The following MYO5A variants were observed in gnomAD, a reference collection of about 807,000 sequenced individuals.
MYO5A encodes the protein myosin VA.
Under a neutral mutation model 249.7 loss-of-function variants are expected in MYO5A, and 98 were observed. That is an observed-to-expected ratio of 0.39 (90% CI 0.33 to 0.46). MYO5A has a LOEUF of 0.46. Ranked by LOEUF, MYO5A falls within the 20% of genes least tolerant of loss-of-function variation. The pLI is 0.98. For missense variants in MYO5A, 1,696 were observed against 2,308.8 expected (o/e 0.73, Z 5.44); for synonymous variants, 778 against 810.6 (o/e 0.96, Z 0.68).
At chr15:52,489,420 C>CG (rs1567173839) in intron 1 of MYO5A, among the ~76,000 whole-genome samples, 1 of 151,928 alleles carries the variant, frequency 6.6e-6, no homozygotes, top group African/African-American at 2.4e-5. Context: ...AAAAATTAGC[C>CG]GGGCGTGGTG....
At chr15:52,517,017 A>C (rs1273627179) in intron 1 of MYO5A, among the ~76,000 whole-genome samples, 2 of 152,252 alleles carry the variant, frequency 1.3e-5, no homozygotes, top group Non-Finnish European at 2.9e-5. Flanking sequence ...AAGCAGTTTC[A>C]ATTTTTAAAA....
chr15:52,427,204 T>C (rs1016867786), intron 3 of MYO5A, among the ~76,000 whole-genome samples: 4 of 152,196 alleles, frequency 2.6e-5, no homozygotes, highest in Non-Finnish European at 5.9e-5. Flanking sequence ...CTTAATGAAG[T>C]CGTCCATTCA....
At chr15:52,389,468 T>A (rs1247205452) in intron 12 of MYO5A, 105 bp from the exon 13 acceptor site, 3 of 1,114,432 alleles carry the variant, frequency 2.7e-6, no homozygotes, top group Non-Finnish European at 3.8e-6. Flanking sequence ...TGGCTTTAAC[T>A]AATAACTTTT....
chr15:52,400,698 G>A (rs1245753707), intron 9 of MYO5A, among the ~76,000 whole-genome samples: 1 of 152,106 alleles, frequency 6.6e-6, no homozygotes, highest in African/African-American at 2.4e-5. Flanking sequence ...CAGAGAAGTG[G>A]TGTTGCACTC....
chr15:52,431,684 TAAAAA>T (rs56264450), intron 2 of MYO5A, among the ~76,000 whole-genome samples: 1 of 140,598 alleles, frequency 7.1e-6, no homozygotes, highest in Non-Finnish European at 1.5e-5. Flanking sequence ...GTGCTATATC[TAAAAA>T]AAAAAAAAAA....
At chr15:52,472,492 C>T (rs919868522) in intron 1 of MYO5A, among the ~76,000 whole-genome samples, 2 of 151,890 alleles carry the variant, frequency 1.3e-5, no homozygotes, top group African/African-American at 4.8e-5. Flanking sequence ...TGTGCTGCAC[C>T]CATTAACTTG....
intron 1 of MYO5A, among the ~76,000 whole-genome samples, chr15:52,487,029 C>T (rs772957350): frequency 2.6e-5 from 4 of 152,144 alleles, no homozygotes; most frequent in Non-Finnish European, 4.4e-5. Context: ...ACAAGTTTTA[C>T]GTTGATACTA....
intron 1 of MYO5A, among the ~76,000 whole-genome samples, chr15:52,456,130 T>A (rs888976041): frequency 1.3e-5 from 2 of 151,824 alleles, no homozygotes; most frequent in Non-Finnish European, 2.9e-5. Flanking sequence ...GGATACAAAA[T>A]CAACATACAA....
chr15:52,449,615 G>C (rs2075971953), intron 1 of MYO5A, among the ~76,000 whole-genome samples: 1 of 152,134 alleles, frequency 6.6e-6, no homozygotes, highest in Non-Finnish European at 1.5e-5. Flanking sequence ...CCCATTTCCT[G>C]TGCCAGCTCT....
At chr15:52,410,825 CT>C (rs2043215820) in intron 5 of MYO5A, among the ~76,000 whole-genome samples, 2 of 152,262 alleles carry the variant, frequency 1.3e-5, no homozygotes, top group African/African-American at 4.8e-5. Context: ...ATCCACCCAC[CT>C]CTGCCTCCCA....
intron 23 of MYO5A, among the ~76,000 whole-genome samples, chr15:52,365,467 T>C (rs1313855256): frequency 6.6e-6 from 1 of 152,226 alleles, no homozygotes; most frequent in Non-Finnish European, 1.5e-5. Flanking sequence ...ATCTCAGCTG[T>C]ATGTCTTAAC....
chr15:52,316,928 T>A (rs1417935050), intron 40 of MYO5A, 120 bp downstream of exon 40: 3 of 1,121,368 alleles, frequency 2.7e-6, no homozygotes, highest in Middle Eastern at 2.2e-4. Flanking sequence ...GCATATATCT[T>A]CTTGAACACA....
chr15:52,393,170 C>A (rs1189944888), intron 11 of MYO5A, among the ~76,000 whole-genome samples: 1 of 152,162 alleles, frequency 6.6e-6, no homozygotes, highest in African/African-American at 2.4e-5. Context: ...TTACTTATCT[C>A]TTTTGTCTCC....
chr15:52,337,775 G>C, intron 33 of MYO5A, 35 bp downstream of exon 33: 1 of 1,454,200 alleles, frequency 6.9e-7, no homozygotes, highest in Non-Finnish European at 9.4e-7. Context: ...AAGTAGCAAG[G>C]GAAGACAGCA....
In MYO5A at chr15:52,309,650, C is replaced by A. The variant is rs2037716444; in HGVS notation, c.*4046G>T. ...GAAGCGACCCCACCTACCGTCCATG[C>A]TGCTGTGAGGATGAAACGAGGTAAC... is the stretch of plus-strand genomic sequence containing the variant. On this transcript the variant is annotated 3_prime_UTR_variant, in exon 42 of 42. Transcript: ENST00000399233. The A allele has an allele frequency of 6.6e-6, 1 of 152,216 alleles. No homozygotes were observed. The allele number at this position is 152,216 out of a possible 1,614,324, so 9.4% of individuals were successfully genotyped here.
At chr15:52,336,674 T>G in intron 33 of MYO5A, 118 bp from the exon 34 acceptor site, 4 of 769,028 alleles carry the variant, frequency 5.2e-6, no homozygotes, top group Non-Finnish European at 4.3e-6. Flanking sequence ...AAGAGCTCAT[T>G]GGTGGAGCCA....
chr15:52,496,485 G>A lies in MYO5A; in HGVS notation c.27+32295C>T, dbSNP rs536893323. On this transcript the variant is annotated intron_variant, in intron 1 of 41. Transcript: ENST00000399233. Reference sequence around the variant, plus strand: ...TGTGGCTGAGGTGAAAGAGGAAGTCGAGTTATAAAATGGCTGGGGATTAAA... The same window carrying A: ...TGTGGCTGAGGTGAAAGAGGAAGTCAAGTTATAAAATGGCTGGGGATTAAA... 9.1e-4 allele frequency among the ~76,000 whole-genome samples: 139 copies of A among 152,282 alleles called. 2 individuals are homozygous for A. Among genetic ancestry groups the A allele is most frequent in the Non-Finnish European group, 2.5e-4 (17 of 68,026 alleles).
intron 20 of MYO5A, among the ~76,000 whole-genome samples, chr15:52,373,661 G>A (rs907696994): frequency 6.6e-6 from 1 of 152,166 alleles, no homozygotes; most frequent in African/African-American, 2.4e-5. Flanking sequence ...GTGGGAGCCT[G>A]AGCTGGCCGG....
intron 1 of MYO5A, among the ~76,000 whole-genome samples, chr15:52,459,042 C>A (rs1029663724): frequency 2.7e-5 from 4 of 150,340 alleles, no homozygotes; most frequent in Non-Finnish European, 5.9e-5. Flanking sequence ...CTCTGTTGCC[C>A]AGGCTGGAGT....
Sources: gnomAD v4.1 joint callset for allele counts (sites outside exome capture counted in the v4.1 genomes callset) on GRCh38, gnomAD v4.1.1 for gene constraint, MANE v1.5 for transcripts, NCBI Gene and HGNC (gene_info 2026-07-23, HGNC 2026-07-21) for gene names.